SBF2: variants seen among roughly 807,000 people sequenced by gnomAD.
SBF2 encodes the protein myotubularin-related protein 13.
A neutral mutation model predicts 225.2 loss-of-function variants in SBF2; 112 were observed. The observed-to-expected ratio is 0.50, with a 90% CI of 0.43 to 0.58. The LOEUF (loss-of-function observed/expected upper bound fraction) is 0.58, where lower values mean the gene tolerates loss of function less well. Among genes scored for constraint, SBF2 ranks in the 20% least tolerant of loss-of-function variants. The probability of loss-of-function intolerance (pLI) is 0.00; values close to 1 mark genes in which losing one functional copy is unlikely to be tolerated. For synonymous variants in SBF2, 763 were observed against 773.3 expected (o/e 0.99, Z 0.22); for missense variants, 1,996 against 2,206.2 (o/e 0.90, Z 1.91).
At chr11:9,925,064 C>T (rs1863924764) in intron 16 of SBF2, among the ~76,000 whole-genome samples, 2 of 151,912 alleles carry the variant, frequency 1.3e-5, no homozygotes, top group African/African-American at 4.8e-5. Flanking sequence ...GCACTTTCAA[C>T]TTAGGATATT....
At chr11:10,125,036 A>G (rs1953681494) in intron 2 of SBF2, among the ~76,000 whole-genome samples, 1 of 141,884 alleles carries the variant, frequency 7.0e-6, no homozygotes, top group African/African-American at 2.6e-5. Context: ...TGAACCCGGG[A>G]GGCGGAGGTT....
At position 10,096,370 on chromosome 11, in the gene SBF2, G is replaced by GA. The variant is rs577599899; in HGVS notation, c.142-53390dup. Among the ~76,000 whole-genome samples, 427 of 135,790 alleles carry GA rather than the reference G, an allele frequency of 3.1e-3. 1 individual carries two copies. Among genetic ancestry groups the GA allele is most frequent in the African/African-American group, 0.011 (412 of 36,782 alleles). 89.1% of individuals were successfully genotyped at this position (135,790 alleles called of 152,430 possible). On this transcript the variant is annotated intron_variant, in intron 2 of 39. Coordinates refer to ENST00000256190, the MANE Select transcript of SBF2 (RefSeq NM_030962.4). ...ATAACAAAATAAAATATTTTCCCTA[G>GA]AAATATGTATTTTTAACTACTCAAT...
intron 2 of SBF2, among the ~76,000 whole-genome samples, chr11:10,169,490 G>A (rs566644658): frequency 6.6e-6 from 1 of 152,070 alleles, no homozygotes; most frequent in South Asian, 2.1e-4. Flanking sequence ...CCAGTTTCAT[G>A]TTGTTGCAAA....
chr11:9,896,137 G>C (rs1439194572), intron 16 of SBF2, 126 bp from the exon 17 acceptor site: 1 of 774,438 alleles, frequency 1.3e-6, no homozygotes, highest in Non-Finnish European at 2.3e-6. Context: ...TTTTGCAGAG[G>C]ACCTGACGGA....
rs1032193165 is a variant in SBF2, at chr11:9,897,841, G to A, written c.1861-1830C>T. ...TGTCAGCCACAGAGCCACAACTGGA[G>A]TCTGGATTTATCTACCTATCAGTGT... On this transcript the variant is annotated intron_variant, in intron 16 of 39. Coordinates refer to ENST00000256190, the MANE Select transcript of SBF2 (RefSeq NM_030962.4). 4.6e-5 allele frequency among the ~76,000 whole-genome samples: 7 copies of A among 152,338 alleles called. No homozygotes were observed. In the East Asian group the frequency reaches 1.2e-3, roughly 25 times the overall value.
At chr11:10,043,271 G>C (rs576041358) in intron 2 of SBF2, among the ~76,000 whole-genome samples, 4 of 152,244 alleles carry the variant, frequency 2.6e-5, no homozygotes, top group Admixed American at 2.0e-4. Context: ...CAAAATTAAA[G>C]ACATCCCCCA....
At chr11:10,217,758 C>T (rs2403291) in intron 1 of SBF2, among the ~76,000 whole-genome samples, 95,074 of 151,938 alleles carry the variant, frequency 0.63, 30,718 homozygotes, top group East Asian at 0.97. Flanking sequence ...AACCTCTGTA[C>T]TAGTCTGTTC....
intron 2 of SBF2, among the ~76,000 whole-genome samples, chr11:10,047,273 C>T (rs1949899778): frequency 6.6e-6 from 1 of 151,928 alleles, no homozygotes; most frequent in South Asian, 2.1e-4. Flanking sequence ...ACAAAATGAT[C>T]CTAAAGTTTA....
chr11:10,103,301 G>C (rs980202615), intron 2 of SBF2, among the ~76,000 whole-genome samples: 18 of 152,020 alleles, frequency 1.2e-4, no homozygotes, highest in Non-Finnish European at 2.2e-4. Context: ...TAGATATTAT[G>C]TCCTCTAAAG....
intron 6 of SBF2, among the ~76,000 whole-genome samples, chr11:10,016,029 G>A (rs1048195309): frequency 2.6e-5 from 4 of 151,860 alleles, no homozygotes; most frequent in African/African-American, 7.3e-5. Flanking sequence ...GACCCGCCTC[G>A]GCCTCCCAAA....
intron 7 of SBF2, among the ~76,000 whole-genome samples, chr11:10,002,334 A>G (rs1030387230): frequency 6.6e-6 from 1 of 150,420 alleles, no homozygotes; most frequent in African/African-American, 2.5e-5. Context: ...TGACAATACT[A>G]TTCAAATTAA....
intron 1 of SBF2, chr11:10,272,010 C>G: frequency 1.0e-6 from 1 of 969,338 alleles, no homozygotes; most frequent in Non-Finnish European, 1.5e-6. Context: ...TCATTCATCA[C>G]TTTGTGCTTG....
intron 3 of SBF2, among the ~76,000 whole-genome samples, chr11:10,034,412 T>C (rs1213156755): frequency 6.6e-6 from 1 of 152,234 alleles, no homozygotes; most frequent in Non-Finnish European, 1.5e-5. Flanking sequence ...AGATTGCTGA[T>C]TGCACGCAAT....
At chr11:10,183,175 C>G (rs1956805187) in intron 2 of SBF2, among the ~76,000 whole-genome samples, 1 of 152,106 alleles carries the variant, frequency 6.6e-6, no homozygotes. Context: ...AGAAGAAAAC[C>G]TGGCATCTGG....
chr11:10,008,664 C>A lies in SBF2; in HGVS notation c.620-5975G>T, dbSNP rs115146524. Among the ~76,000 whole-genome samples the A allele has an allele frequency of 4.0e-3, 604 of 152,336 alleles. 4 individuals are homozygous for A. Among genetic ancestry groups the A allele is most frequent in the African/African-American group, 0.014 (570 of 41,576 alleles). On this transcript the variant is annotated intron_variant, in intron 6 of 39. Transcript: ENST00000256190. ...ATGGGACAGATGGGAAAAAGCCTTG[C>A]ATGGCTTGCCCCCTCCACCACAAGC...
At chr11:10,050,915 T>C (rs1206879936) in intron 2 of SBF2, among the ~76,000 whole-genome samples, 1 of 152,082 alleles carries the variant, frequency 6.6e-6, no homozygotes, top group African/African-American at 2.4e-5. Context: ...TGACCATGGG[T>C]AAATAAAACC....
chr11:9,828,661 A>C (rs1855204960), intron 28 of SBF2: 1 of 984,856 alleles, frequency 1.0e-6, no homozygotes, highest in African/African-American at 1.7e-5. Flanking sequence ...ACAAGTCTTA[A>C]TGGCTTCATC....
rs182391972 is a variant in SBF2 at position 9,779,327 on chromosome 11, C to T, written c.*1091G>A. ...CAAAACAAATGCAATGATCTAGCTACCTATGACGCCAGCTGGTGTCAGTGG... is the reference window on the plus strand; with the variant it reads ...CAAAACAAATGCAATGATCTAGCTATCTATGACGCCAGCTGGTGTCAGTGG... On this transcript the variant is annotated 3_prime_UTR_variant, in exon 40 of 40. Coordinates refer to ENST00000256190, the MANE Select transcript of SBF2 (RefSeq NM_030962.4). 2.4e-4 allele frequency: 37 copies of T among 152,738 alleles called. No individual in the cohort carries two copies. In the East Asian group the frequency reaches 6.0e-3, roughly 25 times the overall value. The allele number at this position is 152,738 out of a possible 1,614,324, so 9.5% of individuals were successfully genotyped here.
chr11:9,887,604 T>G (rs940580041), intron 17 of SBF2, among the ~76,000 whole-genome samples: 1 of 152,156 alleles, frequency 6.6e-6, no homozygotes, highest in African/African-American at 2.4e-5. Context: ...CTCTGACCAT[T>G]CTAAAATTCT....
Sources: allele counts gnomAD v4.1 joint callset (sites outside exome capture counted in the v4.1 genomes callset), GRCh38; gene constraint gnomAD v4.1.1; transcripts MANE v1.5; gene names NCBI Gene and HGNC (gene_info 2026-07-23, HGNC 2026-07-21).